Variants in SGIP1 observed in about 807,000 individuals in gnomAD.
SGIP1 encodes SH3-containing GRB2-like protein 3-interacting protein 1.
A neutral mutation model predicts 107.5 loss-of-function variants in SGIP1; 38 were observed. The ratio of observed to expected loss-of-function variants is 0.35; its 90% confidence interval spans 0.27 to 0.46. SGIP1 has a LOEUF of 0.46. SGIP1 is among the 20% of genes least tolerant of loss of function. The probability of loss-of-function intolerance (pLI) is 1.00; values close to 1 mark genes in which losing one functional copy is unlikely to be tolerated. For synonymous variants in SGIP1, 365 were observed against 366.1 expected, an observed-to-expected ratio of 1.00 and a Z score of 0.03; for missense variants, 929 against 1,019.5, an observed-to-expected ratio of 0.91 and a Z score of 1.21.
At chr1:66,738,280 C>T (rs928021734) in intron 21 of SGIP1, among the ~76,000 whole-genome samples, 1 of 152,152 alleles carries the variant, frequency 6.6e-6, no homozygotes, top group Non-Finnish European at 1.5e-5. Flanking sequence ...CCTTCAGGAC[C>T]CTTCTCCATG....
At position 66,589,633 on chromosome 1, in the gene SGIP1, T is replaced by C. The variant is rs2063304245; in HGVS notation, c.11-36214T>C. The stretch of plus-strand genomic sequence containing the variant: ...TGTGAAAAACACTCTCCTGATGCCA[T>C]ATTTGTTTGTATGTAATTACCCCCA... On this transcript the variant is annotated intron_variant, in intron 1 of 24. Coordinates refer to ENST00000371037, the MANE Select transcript of SGIP1 (RefSeq NM_032291.4). 3.3e-5 allele frequency among the ~76,000 whole-genome samples: 5 copies of C among 152,174 alleles called. No individual in the cohort carries two copies. The South Asian group carries it at 1.0e-3, about 32-fold the overall frequency.
intron 1 of SGIP1, among the ~76,000 whole-genome samples, chr1:66,611,326 C>G (rs1293611998): frequency 6.6e-6 from 1 of 152,076 alleles, no homozygotes; most frequent in African/African-American, 2.4e-5. Flanking sequence ...ATGGCAGAAC[C>G]AGTTAATTAT....
intron 18 of SGIP1, among the ~76,000 whole-genome samples, chr1:66,700,394 G>A (rs1429195349): frequency 1.4e-5 from 2 of 145,606 alleles, no homozygotes; most frequent in African/African-American, 2.5e-5. Context: ...AAAAAACAGA[G>A]TAATGATTCA....
chr1:66,674,644 T>A (rs2084753355), intron 12 of SGIP1, among the ~76,000 whole-genome samples: 2 of 152,196 alleles, frequency 1.3e-5, no homozygotes, highest in African/African-American at 4.8e-5. Flanking sequence ...GTAAACAATA[T>A]AGGACTGGTA....
intron 20 of SGIP1, among the ~76,000 whole-genome samples, chr1:66,732,824 TG>T (rs921993567): frequency 6.6e-6 from 1 of 152,168 alleles, no homozygotes; most frequent in Non-Finnish European, 1.5e-5. Flanking sequence ...TAGTTTATAA[TG>T]CCTAGCATAT....
intron 1 of SGIP1, among the ~76,000 whole-genome samples, chr1:66,560,197 G>A (rs2058728941): frequency 6.6e-6 from 1 of 151,954 alleles, no homozygotes; most frequent in Non-Finnish European, 1.5e-5. Flanking sequence ...GTTTGACTGT[G>A]CAAAAATAAC....
At chr1:66,622,593 C>A (rs1389976501) in intron 1 of SGIP1, among the ~76,000 whole-genome samples, 10 of 151,974 alleles carry the variant, frequency 6.6e-5, no homozygotes, top group Admixed American at 5.9e-4. Context: ...GGTTGTTTCC[C>A]ACAACACCAA....
In SGIP1 at chr1:66,690,326, C is replaced by G. The variant is rs2089536154; in HGVS notation, c.1570+10C>G. On this transcript the variant is annotated intron_variant, in intron 17 of 24. Coordinates refer to ENST00000371037, the MANE Select transcript of SGIP1 (RefSeq NM_032291.4). The stretch of plus-strand genomic sequence containing the variant: ...ACCACTCCCACAGTTGGTAAAAATT[C>G]TCTCCTCTCTTTTAATCCGTTTGTG... 6.2e-7 allele frequency: 1 copy of G among 1,613,798 alleles called. No homozygotes were observed. Among genetic ancestry groups the G allele is most frequent in the African/African-American group, 1.3e-5 (1 of 74,916 alleles).
chr1:66,543,860 T>C (rs2055637387), intron 1 of SGIP1, among the ~76,000 whole-genome samples: 1 of 152,298 alleles, frequency 6.6e-6, no homozygotes, highest in South Asian at 2.1e-4. Context: ...ATAATAAATA[T>C]ACATCTGAGA....
At chr1:66,608,936 A>C (rs917848258) in intron 1 of SGIP1, among the ~76,000 whole-genome samples, 2 of 150,054 alleles carry the variant, frequency 1.3e-5, no homozygotes, top group Non-Finnish European at 2.9e-5. Flanking sequence ...TATTTAGTCG[A>C]GGTTTTTTTT....
chr1:66,688,260 C>T (rs980570792), intron 15 of SGIP1, among the ~76,000 whole-genome samples: 5 of 152,182 alleles, frequency 3.3e-5, no homozygotes, highest in Non-Finnish European at 4.4e-5. Context: ...ACGGTTTGAA[C>T]GTTGATTTGA....
At chr1:66,672,376 G>A (rs982984706) in intron 11 of SGIP1, among the ~76,000 whole-genome samples, 19 of 152,168 alleles carry the variant, frequency 1.2e-4, no homozygotes, top group African/African-American at 4.3e-4. Flanking sequence ...CATTCCACCT[G>A]CCACACACCA....
At position 66,639,834 on chromosome 1, in the gene SGIP1, G is replaced by A; in HGVS notation, c.228+1G>A. 1 of 1,610,004 alleles carries A rather than the reference G, an allele frequency of 6.2e-7. No homozygotes were observed. The highest frequency in any genetic ancestry group is 8.5e-7 in the Non-Finnish European group (1 of 1,176,970). ...TGCGGAAATTGATTGGGAAAGATAT[G>A]TGAGTATCAGAAGAGTGTTTCTCTT... On this transcript the variant is annotated splice_donor_variant, in intron 5 of 24. Transcript: ENST00000371037. LOFTEE classifies it high-confidence loss of function.
chr1:66,734,572 T>G (rs190906490), intron 21 of SGIP1, among the ~76,000 whole-genome samples: 1 of 151,414 alleles, frequency 6.6e-6, no homozygotes, highest in East Asian at 2.0e-4. Context: ...TGGCACAATC[T>G]TGGCTCACTG....
At chr1:66,708,645 C>T (rs1244050698) in intron 18 of SGIP1, among the ~76,000 whole-genome samples, 1 of 152,042 alleles carries the variant, frequency 6.6e-6, no homozygotes, top group Non-Finnish European at 1.5e-5. Flanking sequence ...GAAGTTAATT[C>T]AATTGGGCAT....
chr1:66,721,298 T>G (rs1033284438), intron 19 of SGIP1, among the ~76,000 whole-genome samples: 1 of 152,242 alleles, frequency 6.6e-6, no homozygotes, highest in African/African-American at 2.4e-5. Flanking sequence ...AGAATTTGCA[T>G]AATTTTCTGT....
At chr1:66,667,407 C>T in intron 8 of SGIP1, 123 bp from the exon 9 acceptor site, 4 of 909,880 alleles carry the variant, frequency 4.4e-6, no homozygotes, top group South Asian at 2.7e-5. Context: ...CTTCCTTTGG[C>T]CTGATTCTCT....
At chr1:66,701,522 A>T (rs2091907006) in intron 18 of SGIP1, among the ~76,000 whole-genome samples, 1 of 152,214 alleles carries the variant, frequency 6.6e-6, no homozygotes, top group Non-Finnish European at 1.5e-5. Context: ...AAAATGAAAA[A>T]TTCATTCTAT....
chr1:66,646,281 C>T (rs1269700671), intron 7 of SGIP1, among the ~76,000 whole-genome samples: 17 of 152,058 alleles, frequency 1.1e-4, no homozygotes, highest in Non-Finnish European at 1.5e-5. Flanking sequence ...AAAGAGCAGA[C>T]AATTATACAT....
Sources: gnomAD v4.1 joint callset for allele counts (sites outside exome capture counted in the v4.1 genomes callset) on GRCh38, gnomAD v4.1.1 for gene constraint, MANE v1.5 for transcripts, NCBI Gene and HGNC (gene_info 2026-07-23, HGNC 2026-07-21) for gene names.